Variants in KLRG1 observed in about 807,000 individuals in gnomAD.
The protein encoded by KLRG1 is killer cell lectin-like receptor subfamily G member 1.
A neutral mutation model predicts 21.8 loss-of-function variants in KLRG1; 16 were observed. The ratio of observed to expected loss-of-function variants is 0.73; its 90% CI spans 0.50 to 1.11. The LOEUF (loss-of-function observed/expected upper bound fraction) is 1.11, where lower values mean the gene tolerates loss of function less well. Among genes scored for constraint, KLRG1 ranks in the 50% most tolerant of loss-of-function variants. KLRG1 has a pLI of 0.00. For missense variants in KLRG1, 173 were observed against 218.3 expected, an observed-to-expected ratio of 0.79 and a Z score of 1.31; for synonymous variants, 69 against 75.9, an observed-to-expected ratio of 0.91 and a Z score of 0.47.
At chr12:9,042,055 G>A in the KLRG1 span, among the ~76,000 whole-genome samples, 2 of 152,116 alleles carry the variant, frequency 1.3e-5, no homozygotes, top group Non-Finnish European at 2.9e-5. Context: ...ATTTTTTATT[G>A]GGAGCTAGAA....
chr12:9,116,989 C>A, the KLRG1 span, among the ~76,000 whole-genome samples: 1 of 152,054 alleles, frequency 6.6e-6, no homozygotes, highest in Non-Finnish European at 1.5e-5. Context: ...TAAGAGAGCA[C>A]ATAACCCAGA....
At chr12:8,956,389 A>G (rs952202526) in intron 1 of KLRG1, among the ~76,000 whole-genome samples, 3 of 152,118 alleles carry the variant, frequency 2.0e-5, no homozygotes, top group Admixed American at 6.5e-5. Context: ...CGGGGTGCAG[A>G]CCTCGGGATT....
chr12:8,986,100 T>C (rs145720907), upstream of KLRG1, among the ~76,000 whole-genome samples: 1,336 of 152,308 alleles, frequency 8.8e-3, 22 homozygotes, highest in African/African-American at 0.03. Context: ...TATATACATA[T>C]GTATAATACC....
At chr12:9,113,551 T>C in the KLRG1 span, 2 of 1,611,856 alleles carry the variant, frequency 1.2e-6, no homozygotes, top group African/African-American at 1.3e-5. Flanking sequence ...TGCCTGGGAA[T>C]GAGACGGTTC....
Position 9,010,269 on chromosome 12 carries a change from C to G in KLRG1, c.*732C>G. ...AGGTGGTACTTCCTCCTTCTGAGCT[C>G]TTCACACGTAATGCAAAAACCCGGT... On this transcript the variant is annotated 3_prime_UTR_variant, in exon 5 of 5. Coordinates refer to ENST00000356986, the MANE Select transcript of KLRG1 (RefSeq NM_005810.4). 1 of 435,834 alleles carries G rather than the reference C, an allele frequency of 2.3e-6. No individual in the cohort carries two copies. Among genetic ancestry groups the G allele is most frequent in the South Asian group, 4.6e-5 (1 of 21,770 alleles). 27.0% of individuals were successfully genotyped at this position (435,834 alleles called of 1,614,324 possible). A position where few individuals can be genotyped will look rare whatever the true frequency, so the allele number is the denominator to read the frequency against.
chr12:9,116,135 G>A, the KLRG1 span: 7 of 396,510 alleles, frequency 1.8e-5, no homozygotes, highest in Admixed American at 1.1e-4. Flanking sequence ...CACTTTTACC[G>A]TACAGCAGCT....
At chr12:9,160,398 T>C in the KLRG1 span, 1 of 1,613,946 alleles carries the variant, frequency 6.2e-7, no homozygotes, top group African/African-American at 1.3e-5. Flanking sequence ...ACATAGATGT[T>C]AGGAGCAAAT....
the KLRG1 span, chr12:9,090,665 T>G: frequency 3.3e-6 from 2 of 605,990 alleles, no homozygotes; most frequent in East Asian, 6.2e-5. Context: ...TTTACACAGG[T>G]AAATCTGAGT....
chr12:8,989,516 T>A (rs1346361691), upstream of KLRG1: 1 of 648,970 alleles, frequency 1.5e-6, no homozygotes, highest in Non-Finnish European at 2.7e-6. Flanking sequence ...AAATTACTTC[T>A]GCTTTTGTGA....
the KLRG1 span, among the ~76,000 whole-genome samples, chr12:9,183,093 C>G: frequency 6.6e-6 from 1 of 152,124 alleles, no homozygotes; most frequent in South Asian, 2.1e-4. Flanking sequence ...TGTAGAAGAA[C>G]TATAATTGAT....
chr12:9,214,615 A>G, the KLRG1 span, among the ~76,000 whole-genome samples: 2 of 151,884 alleles, frequency 1.3e-5, no homozygotes, highest in Non-Finnish European at 2.9e-5. Flanking sequence ...TTTTTTTTAA[A>G]TGACATATTG....
the KLRG1 span, among the ~76,000 whole-genome samples, chr12:9,190,696 T>C: frequency 1.3e-5 from 2 of 152,252 alleles, no homozygotes; most frequent in East Asian, 3.9e-4. Context: ...AAACCTAAAA[T>C]AAAAGTTTTA....
At chr12:8,952,287 T>A (rs531830099) in intron 1 of KLRG1, among the ~76,000 whole-genome samples, 1 of 152,108 alleles carries the variant, frequency 6.6e-6, no homozygotes, top group African/African-American at 2.4e-5. Context: ...GAGAGGAAGG[T>A]AATTAACAGT....
At chr12:9,120,457 G>A in the KLRG1 span, among the ~76,000 whole-genome samples, 1 of 152,192 alleles carries the variant, frequency 6.6e-6, no homozygotes, top group South Asian at 2.1e-4. Flanking sequence ...TGGGAAATGA[G>A]AGAAATTAGG....
chr12:8,974,328 C>T (rs182202868), intron 1 of KLRG1, among the ~76,000 whole-genome samples: 166 of 152,124 alleles, frequency 1.1e-3, no homozygotes, highest in African/African-American at 3.2e-3. Context: ...CCACCACACC[C>T]GGCTAATTTT....
At chr12:9,205,098 A>G in the KLRG1 span, among the ~76,000 whole-genome samples, 1 of 152,202 alleles carries the variant, frequency 6.6e-6, no homozygotes, top group Non-Finnish European at 1.5e-5. Context: ...GTTTCAAAAA[A>G]AAACAAAACA....
At chr12:8,977,850 T>A (rs1262607771) in intron 1 of KLRG1, among the ~76,000 whole-genome samples, 1 of 152,154 alleles carries the variant, frequency 6.6e-6, no homozygotes, top group Non-Finnish European at 1.5e-5. Flanking sequence ...ATTTTGTGTT[T>A]CTGTATTGTT....
chr12:9,164,361 T>G, the KLRG1 span: 1 of 1,312,954 alleles, frequency 7.6e-7, no homozygotes, highest in Non-Finnish European at 1.0e-6. Flanking sequence ...AAATTGGGAT[T>G]TGTAAGAAAA....
At chr12:9,074,614 G>A in the KLRG1 span, 1,679 of 1,613,790 alleles carry the variant, frequency 1.0e-3, 5 homozygotes, top group Non-Finnish European at 1.1e-3. Context: ...TCCACTTCAC[G>A]ATGTTGGTTG....
Sources: allele counts gnomAD v4.1 joint callset (sites outside exome capture counted in the v4.1 genomes callset), GRCh38; gene constraint gnomAD v4.1.1; transcripts MANE v1.5; gene names NCBI Gene and HGNC (gene_info 2026-07-23, HGNC 2026-07-21).